Variants in BRINP3 observed in about 807,000 individuals in gnomAD.
BRINP3 encodes BMP/retinoic acid inducible neural specific 3.
Under a neutral mutation model 71.0 loss-of-function variants are expected in BRINP3, and 19 were observed. The ratio of observed to expected loss-of-function variants is 0.27; its 90% CI spans 0.19 to 0.39. The LOEUF (loss-of-function observed/expected upper bound fraction) is 0.39, where lower values mean the gene tolerates loss of function less well. BRINP3 is among the 10% of genes least tolerant of loss of function. The probability of loss-of-function intolerance (pLI) is 1.00; values close to 1 mark genes in which losing one functional copy is unlikely to be tolerated. For missense variants in BRINP3, 959 were observed against 940.8 expected, an observed-to-expected ratio of 1.02 and a Z score of -0.25; for synonymous variants, 380 against 337.7, an observed-to-expected ratio of 1.13 and a Z score of -1.37.
At chr1:190,456,865 T>C (rs2102639551) in intron 1 of BRINP3, among the ~76,000 whole-genome samples, 1 of 152,256 alleles carries the variant, frequency 6.6e-6, no homozygotes, top group Non-Finnish European at 1.5e-5. Context: ...ATTACATATA[T>C]CATCTGAAAG....
chr1:190,142,883 G>T (rs1250951490), intron 7 of BRINP3, among the ~76,000 whole-genome samples: 1 of 151,670 alleles, frequency 6.6e-6, no homozygotes, highest in Non-Finnish European at 1.5e-5. Flanking sequence ...TAAAAGGAGA[G>T]ACTAAAACTA....
At chr1:190,248,159 G>A (rs1264912993) in intron 4 of BRINP3, among the ~76,000 whole-genome samples, 1 of 151,644 alleles carries the variant, frequency 6.6e-6, no homozygotes, top group Non-Finnish European at 1.5e-5. Context: ...ATTTTAGTGG[G>A]AAATCTGTGT....
At position 190,273,053 on chromosome 1, in the gene BRINP3, G is replaced by GTT. The variant is rs35422922; in HGVS notation, c.428-8000_428-7999dup. Among the ~76,000 whole-genome samples the GTT allele has an allele frequency of 1.4e-3, 204 of 143,214 alleles. 2 individuals are homozygous for GTT. Among genetic ancestry groups the GTT allele is most frequent in the Middle Eastern group, 3.7e-3 (1 of 268 alleles). The allele number at this position is 143,214 out of a possible 152,430, so 94.0% of individuals were successfully genotyped here. The stretch of plus-strand genomic sequence containing the variant: ...GGCCTTTCTTTCCTGTAAGAGATCT[G>GTT]TTTTTTTTTTTCAATTGTGCATAAC... On this transcript the variant is annotated intron_variant, in intron 3 of 7. Transcript: ENST00000367462.
chr1:190,447,696 G>A (rs889080514), intron 2 of BRINP3, among the ~76,000 whole-genome samples: 4 of 150,236 alleles, frequency 2.7e-5, no homozygotes, highest in African/African-American at 7.3e-5. Context: ...TTTCACATAC[G>A]AAGATGTTTA....
chr1:190,358,025 A>G (rs1424047204), intron 2 of BRINP3, among the ~76,000 whole-genome samples: 4 of 152,184 alleles, frequency 2.6e-5, no homozygotes, highest in Admixed American at 2.0e-4. Flanking sequence ...TGGATTAAAG[A>G]CTTAACTGTT....
chr1:190,397,692 T>C (rs758318443), intron 2 of BRINP3, among the ~76,000 whole-genome samples: 4 of 151,980 alleles, frequency 2.6e-5, no homozygotes. Flanking sequence ...GAATATCCTT[T>C]TGGAGTTTGA....
At position 190,200,013 on chromosome 1, in the gene BRINP3, T is replaced by C. The variant is rs536822741; in HGVS notation, c.961+26069A>G. On this transcript the variant is annotated intron_variant, in intron 6 of 7. Transcript: ENST00000367462. ...TGGTAATGACAGGAGCTGGCCTCAC[T>C]ATTGCCTAATTATTCTCCTAGATGT... Among the ~76,000 whole-genome samples the C allele has an allele frequency of 2.0e-5, 3 of 152,246 alleles. No homozygotes were observed. The South Asian group carries it at 6.2e-4, about 32-fold the overall frequency.
intron 7 of BRINP3, among the ~76,000 whole-genome samples, chr1:190,118,122 C>G (rs1478324049): frequency 8.1e-6 from 1 of 123,274 alleles, no homozygotes; most frequent in Non-Finnish European, 1.7e-5. Flanking sequence ...ATATTCTGTT[C>G]CCAAATCATA....
At chr1:190,196,332 T>C (rs953254508) in intron 6 of BRINP3, among the ~76,000 whole-genome samples, 1 of 152,132 alleles carries the variant, frequency 6.6e-6, no homozygotes, top group Non-Finnish European at 1.5e-5. Flanking sequence ...ATAAATCAAA[T>C]AGTCAAATTG....
At chr1:190,344,632 C>A (rs1667894439) in intron 2 of BRINP3, among the ~76,000 whole-genome samples, 1 of 151,812 alleles carries the variant, frequency 6.6e-6, no homozygotes, top group African/African-American at 2.4e-5. Context: ...CTTGAAAAAT[C>A]TGACAAGAAT....
chr1:190,234,709 T>C (rs1056045316), intron 4 of BRINP3, among the ~76,000 whole-genome samples: 23 of 152,038 alleles, frequency 1.5e-4, no homozygotes, highest in African/African-American at 5.1e-4. Context: ...CCCAGGAAAA[T>C]AATGCATGCC....
At chr1:190,249,398 T>C (rs1047926814) in intron 4 of BRINP3, among the ~76,000 whole-genome samples, 3 of 151,878 alleles carry the variant, frequency 2.0e-5, no homozygotes, top group Non-Finnish European at 4.4e-5. Context: ...ACTTACTATG[T>C]ATACATTTTG....
chr1:190,296,630 TC>T (rs1441330807), intron 2 of BRINP3, among the ~76,000 whole-genome samples: 1 of 152,042 alleles, frequency 6.6e-6, no homozygotes, highest in African/African-American at 2.4e-5. Context: ...CTAAACTGTC[TC>T]TATTGCAGAT....
intron 7 of BRINP3, among the ~76,000 whole-genome samples, chr1:190,112,272 A>T (rs79141881): frequency 1.3e-5 from 2 of 152,184 alleles, no homozygotes; most frequent in Non-Finnish European, 2.9e-5. Flanking sequence ...AAAATTAAGT[A>T]TGTGTTTTCA....
chr1:190,150,978 G>C (rs965384424), intron 7 of BRINP3, among the ~76,000 whole-genome samples: 1 of 151,952 alleles, frequency 6.6e-6, no homozygotes, highest in African/African-American at 2.4e-5. Flanking sequence ...TAGAAACCCT[G>C]TCTCTACCAA....
At chr1:190,262,797 T>C (rs1476413639) in intron 4 of BRINP3, among the ~76,000 whole-genome samples, 2 of 152,180 alleles carry the variant, frequency 1.3e-5, no homozygotes, top group Non-Finnish European at 2.9e-5. Context: ...AGCTAGATTA[T>C]AGACTTAATG....
At chr1:190,182,562 C>G (rs190107898) in intron 6 of BRINP3, among the ~76,000 whole-genome samples, 21 of 148,414 alleles carry the variant, frequency 1.4e-4, no homozygotes, top group African/African-American at 5.1e-4. Context: ...TTGTTGACTG[C>G]TTGATTTTAA....
intron 1 of BRINP3, among the ~76,000 whole-genome samples, chr1:190,455,934 A>G (rs1675954207): frequency 1.3e-5 from 2 of 152,162 alleles, no homozygotes; most frequent in South Asian, 4.1e-4. Flanking sequence ...ATTTGAATTC[A>G]ATTTTTCTTT....
At chr1:190,208,117 T>A (rs1479697305) in intron 6 of BRINP3, among the ~76,000 whole-genome samples, 1 of 151,834 alleles carries the variant, frequency 6.6e-6, no homozygotes, top group Non-Finnish European at 1.5e-5. Flanking sequence ...CTGGTTAATT[T>A]TTTTTTTTAT....
Sources: allele counts gnomAD v4.1 joint callset (sites outside exome capture counted in the v4.1 genomes callset), GRCh38; gene constraint gnomAD v4.1.1; transcripts MANE v1.5; gene names NCBI Gene and HGNC (gene_info 2026-07-23, HGNC 2026-07-21).